Variants in ELF2 observed in about 807,000 individuals in gnomAD.
ELF2 encodes the protein ETS-related transcription factor Elf-2.
ELF2 carries 11 observed loss-of-function variants against 54.8 expected under a neutral mutation model. That is an observed-to-expected ratio of 0.20 (90% confidence interval 0.13 to 0.33). The LOEUF (loss-of-function observed/expected upper bound fraction) is 0.33, where lower values mean the gene tolerates loss of function less well. ELF2 is among the 10% of genes least tolerant of loss of function. The pLI is 1.00. For missense variants in ELF2, 513 were observed against 703.0 expected (o/e 0.73, Z 3.06); for synonymous variants, 203 against 245.1 (o/e 0.83, Z 1.61).
At chr4:139,092,705 G>A (rs1732804225) in intron 4 of ELF2, among the ~76,000 whole-genome samples, 1 of 151,892 alleles carries the variant, frequency 6.6e-6, no homozygotes. Context: ...GGAGGCTGAG[G>A]CAGAAGAATG....
Position 139,136,177 on chromosome 4 carries a change from T to C in ELF2, c.72+1453A>G, listed in dbSNP as rs181025596. Among the ~76,000 whole-genome samples, 183 of 152,190 alleles carry C rather than the reference T, an allele frequency of 1.2e-3. 2 individuals are homozygous for C. The highest frequency in any genetic ancestry group is 0.011 in the Admixed American group (167 of 15,274). ...TTCGGTGAGTCATTCCTGGAGGTGA[T>C]CATACAGAAAGTGAATCTTGAGGGA... is the stretch of plus-strand genomic sequence containing the variant. On this transcript the variant is annotated intron_variant, in intron 3 of 9. Coordinates refer to ENST00000686138, the MANE Select transcript of ELF2 (RefSeq NM_001331036.3).
chr4:139,143,571 G>A (rs1738925849), intron 1 of ELF2, among the ~76,000 whole-genome samples: 1 of 152,154 alleles, frequency 6.6e-6, no homozygotes, highest in Non-Finnish European at 1.5e-5. Flanking sequence ...GATCACTTGA[G>A]GTTAGGAGTT....
chr4:139,084,186 G>A, intron 4 of ELF2: 1 of 1,613,320 alleles, frequency 6.2e-7, no homozygotes, highest in Non-Finnish European at 8.5e-7. Context: ...CAGAGACGTC[G>A]CCATGTTTAT....
chr4:139,062,398 T>G (rs1728004018), intron 7 of ELF2, among the ~76,000 whole-genome samples: 1 of 152,196 alleles, frequency 6.6e-6, no homozygotes, highest in Non-Finnish European at 1.5e-5. Context: ...CTTGAACTCC[T>G]GACCTCAGGT....
Position 139,071,942 on chromosome 4 carries a change from A to G in ELF2, c.450T>C (p.Thr150=). The change falls in exon 6 of 10, where the codon ACT becomes ACC. Residue 150 remains threonine, a synonymous_variant. Coordinates refer to ENST00000686138, the MANE Select transcript of ELF2 (RefSeq NM_001331036.3). ...AGGTATCCATGGGTTCAGACTCTTC[A>G]GTTGACACCTCCACTACAGTTTCTG... ...VITETVVEVS[T]EESEPMDTSP... 6.2e-7 allele frequency: 1 copy of G among 1,613,958 alleles called. No individual in the cohort carries two copies. Among genetic ancestry groups the G allele is most frequent in the Non-Finnish European group, 8.5e-7 (1 of 1,179,986 alleles).
At chr4:139,091,220 T>G (rs4292283) in intron 4 of ELF2, among the ~76,000 whole-genome samples, 147,045 of 152,326 alleles carry the variant, frequency 0.97, 71,077 homozygotes, top group South Asian at 0.99. Flanking sequence ...GTGAGCCACC[T>G]CACCCGACCT....
intron 4 of ELF2, among the ~76,000 whole-genome samples, chr4:139,103,169 T>C (rs2148791459): frequency 6.6e-6 from 1 of 152,370 alleles, no homozygotes. Context: ...TCCCAAGTTC[T>C]AGCTGTGATA....
At chr4:139,108,215 T>C (rs1169917870) in intron 4 of ELF2, among the ~76,000 whole-genome samples, 3 of 152,158 alleles carry the variant, frequency 2.0e-5, no homozygotes, top group Admixed American at 6.6e-5. Context: ...GGCACCATGC[T>C]TAACACTGGG....
chr4:139,108,675 C>T (rs1734660297), intron 4 of ELF2, among the ~76,000 whole-genome samples: 1 of 151,806 alleles, frequency 6.6e-6, no homozygotes, highest in African/African-American at 2.4e-5. Context: ...AAATAGCAGA[C>T]TAGGGTTGTG....
chr4:139,093,643 T>C (rs1029543094), intron 4 of ELF2, among the ~76,000 whole-genome samples: 1 of 152,120 alleles, frequency 6.6e-6, no homozygotes, highest in African/African-American at 2.4e-5. Context: ...ACTGACCATA[T>C]TAATAGAGTA....
chr4:139,153,831 T>G (rs116638352), intron 1 of ELF2, among the ~76,000 whole-genome samples: 29 of 152,362 alleles, frequency 1.9e-4, no homozygotes, highest in African/African-American at 6.0e-4. Flanking sequence ...AAATGCAGAT[T>G]CATAGAGTGC....
rs937952910 is a variant in ELF2, at chr4:139,135,026, T to C, written c.72+2604A>G. ...ATTTTCAGAAATAGAATAATCCTAA[T>C]TGTATTAAATGTATTACTTTTATAA... is the stretch of plus-strand genomic sequence containing the variant. On this transcript the variant is annotated intron_variant, in intron 3 of 9. Coordinates refer to ENST00000686138, the MANE Select transcript of ELF2 (RefSeq NM_001331036.3). 3.9e-5 allele frequency among the ~76,000 whole-genome samples: 6 copies of C among 152,186 alleles called. No homozygotes were observed. The East Asian group carries it at 1.2e-3, about 29-fold the overall frequency.
At chr4:139,167,926 C>G (rs1165819062) in intron 1 of ELF2, among the ~76,000 whole-genome samples, 1 of 152,194 alleles carries the variant, frequency 6.6e-6, no homozygotes, top group Non-Finnish European at 1.5e-5. Context: ...AGCTTTTTCA[C>G]TTGGCAAGAT....
chr4:139,059,830 A>G (rs992692648), intron 9 of ELF2, among the ~76,000 whole-genome samples: 2 of 151,806 alleles, frequency 1.3e-5, no homozygotes, highest in African/African-American at 2.4e-5. Flanking sequence ...AAACCAATTC[A>G]GGTTATTTAA....
intron 4 of ELF2, among the ~76,000 whole-genome samples, chr4:139,104,850 T>C (rs1734261151): frequency 6.6e-6 from 1 of 152,204 alleles, no homozygotes; most frequent in East Asian, 1.9e-4. Context: ...ATAGCAATAA[T>C]GTAATCTGGA....
At chr4:139,177,508 C>T (rs1743097032), upstream of ELF2, among the ~76,000 whole-genome samples, 1 of 151,894 alleles carries the variant, frequency 6.6e-6, no homozygotes, top group Non-Finnish European at 1.5e-5. Flanking sequence ...GAATCCCGCC[C>T]TCTTCTCCTC....
intron 3 of ELF2, among the ~76,000 whole-genome samples, chr4:139,130,108 G>C (rs1737340956): frequency 6.6e-6 from 1 of 151,968 alleles, no homozygotes; most frequent in Non-Finnish European, 1.5e-5. Context: ...ACACAAATGG[G>C]AAGGAAAACC....
intron 1 of ELF2, among the ~76,000 whole-genome samples, chr4:139,152,320 G>T (rs1466434806): frequency 1.3e-5 from 2 of 151,814 alleles, no homozygotes; most frequent in African/African-American, 4.8e-5. Context: ...GAGAAGAATT[G>T]TAATTTGTAG....
intron 4 of ELF2, among the ~76,000 whole-genome samples, chr4:139,114,575 A>T (rs1420413272): frequency 2.2e-5 from 3 of 139,098 alleles, no homozygotes; most frequent in Non-Finnish European, 4.7e-5. Flanking sequence ...ACACACACAC[A>T]CACACACACA....
Sources: gnomAD v4.1 joint callset for allele counts (sites outside exome capture counted in the v4.1 genomes callset) on GRCh38, gnomAD v4.1.1 for gene constraint, MANE v1.5 for transcripts, NCBI Gene and HGNC (gene_info 2026-07-23, HGNC 2026-07-21) for gene names.